GABBR1: variants seen among roughly 807,000 people sequenced by gnomAD.
GABBR1 encodes the protein GABA-B receptor, R1 subunit.
In GABBR1, 35 loss-of-function variants were observed where a neutral mutation model predicts 117.7. The observed-to-expected ratio is 0.30, with a 90% CI of 0.23 to 0.39. The LOEUF is 0.39. Among genes scored for constraint, GABBR1 ranks in the 10% least tolerant of loss-of-function variants. The probability of loss-of-function intolerance (pLI) is 1.00; values close to 1 mark genes in which losing one functional copy is unlikely to be tolerated. For missense variants in GABBR1, 709 were observed against 1,241.8 expected (o/e 0.57, Z 6.45); for synonymous variants, 442 against 486.6 (o/e 0.91, Z 1.21).
rs1227763316 is a variant in GABBR1, at chr6:29,604,569, C to A, written c.2637G>T (p.Ser879=). ...EAQDTMKTGS[S]TNNNEEEKSR... ...ACTTCTCCTCCTCGTTGTTGTTGGT[C>A]GATGACCCTGTCTTCATGGTGTCCT... Residue 879 remains serine, a synonymous_variant, in exon 22 of 23, where the codon TCG becomes TCT. Coordinates refer to ENST00000377034, the MANE Select transcript of GABBR1 (RefSeq NM_001470.4). This position sits in a 1 kb window ranked among gnomAD's most constrained non-coding sequence, Gnocchi z 5.3. The A allele has an allele frequency of 3.1e-6, 5 of 1,613,268 alleles. No homozygotes were observed. Among genetic ancestry groups the A allele is most frequent in the Non-Finnish European group, 4.2e-6 (5 of 1,180,030 alleles).
In GABBR1 at chr6:29,632,236, TGAG is replaced by T. The variant is rs747994319; in HGVS notation, c.85+62_85+64del. ...ATGGGATAGTGATGAGGACCAGAAATGAGGAGATGCAGGGAAAGGGAAGTGGAG... is the reference window on the plus strand; with the variant it reads ...ATGGGATAGTGATGAGGACCAGAAATGAGATGCAGGGAAAGGGAAGTGGAG... On this transcript the variant is annotated intron_variant, in intron 2 of 22. Coordinates refer to ENST00000377034, the MANE Select transcript of GABBR1 (RefSeq NM_001470.4). The surrounding 1 kb of genome is among the most constrained non-coding windows in gnomAD (Gnocchi z 5.8). 7.3e-6 allele frequency: 7 copies of T among 958,664 alleles called. No homozygotes were observed. The highest frequency in any genetic ancestry group is 1.0e-5 in the Non-Finnish European group (7 of 683,386). 59.4% of individuals were successfully genotyped at this position (958,664 alleles called of 1,614,324 possible). A position where few individuals can be genotyped will look rare whatever the true frequency, so the allele number is the denominator to read the frequency against.
chr6:29,624,976 G>A (rs1018493508), intron 6 of GABBR1, among the ~76,000 whole-genome samples: 1 of 151,984 alleles, frequency 6.6e-6, no homozygotes, highest in African/African-American at 2.4e-5. Context: ...AGGGGACTAA[G>A]GAGGGTGAAA....
Position 29,627,370 on chromosome 6 carries a change from G to A in GABBR1, c.657+116C>T. The A allele has an allele frequency of 9.5e-7, 1 of 1,052,146 alleles. No homozygotes were observed. The highest frequency in any genetic ancestry group is 2.6e-5 in the Admixed American group (1 of 38,446). The allele number at this position is 1,052,146 out of a possible 1,614,324, so 65.2% of individuals were successfully genotyped here. A position where few individuals can be genotyped will look rare whatever the true frequency, so the allele number is the denominator to read the frequency against. On this transcript the variant is annotated intron_variant, in intron 6 of 22. Coordinates refer to ENST00000377034, the MANE Select transcript of GABBR1 (RefSeq NM_001470.4). The surrounding 1 kb of genome is among the most constrained non-coding windows in gnomAD (Gnocchi z 4.4). ...GCCCATCTCCTGCCAGTCACACAAG[G>A]GAGGGGTCTGCCTCGCAATCCCAGA...
At chr6:29,614,830 G>T (rs2058326) in intron 11 of GABBR1, among the ~76,000 whole-genome samples, 14,885 of 152,134 alleles carry the variant, frequency 0.098, 856 homozygotes, top group Middle Eastern at 0.21. Flanking sequence ...TGGACTTTGG[G>T]TGATTATGAT....
chr6:29,604,155 T>G lies in GABBR1; in HGVS notation c.2712+339A>C, dbSNP rs1275370378. On this transcript the variant is annotated intron_variant, in intron 22 of 22. Transcript: ENST00000377034. The surrounding 1 kb of genome is among the most constrained non-coding windows in gnomAD (Gnocchi z 5.3). Reference sequence around the variant, plus strand: ...TGCTACACCCAGCTGCTGTGAGTGTTGACTACTAGAGGCTCACAGCTGCCT... The same window carrying G: ...TGCTACACCCAGCTGCTGTGAGTGTGGACTACTAGAGGCTCACAGCTGCCT... 6.6e-6 allele frequency among the ~76,000 whole-genome samples: 1 copy of G among 152,036 alleles called. No homozygotes were observed. Among genetic ancestry groups the G allele is most frequent in the East Asian group, 1.9e-4 (1 of 5,164 alleles).
Position 29,605,950 on chromosome 6 carries a change from G to A in GABBR1, c.2312-254C>T, listed in dbSNP as rs1243980119. The A allele has an allele frequency of 7.0e-6, 4 of 573,412 alleles. No individual in the cohort carries two copies. In the East Asian group the frequency reaches 8.6e-5, roughly 12 times the overall value. The allele number at this position is 573,412 out of a possible 1,614,324, so 35.5% of individuals were successfully genotyped here. On this transcript the variant is annotated intron_variant, in intron 19 of 22. Transcript: ENST00000377034. This position sits in a 1 kb window ranked among gnomAD's most constrained non-coding sequence, Gnocchi z 4.2. ...TGGCAAGCTGCTGTCAGTCAGGCAA[G>A]GGCTTGTTGAATATCTAGAAATAGG...
At chr6:29,610,338 T>C (rs1329049576) in intron 14 of GABBR1, among the ~76,000 whole-genome samples, 1 of 152,158 alleles carries the variant, frequency 6.6e-6, no homozygotes, top group African/African-American at 2.4e-5. Flanking sequence ...AGGTACAAGG[T>C]GCACTGTTCG....
chr6:29,623,407 G>C lies in GABBR1; in HGVS notation c.861C>G (p.His287Gln). The C allele has an allele frequency of 6.2e-7, 1 of 1,614,078 alleles. No homozygotes were observed. The highest frequency in any genetic ancestry group is 8.5e-7 in the Non-Finnish European group (1 of 1,180,004). ...TAGGGTTGTGGAGTGTGGCTGATGGGTGCGTTCGGAAGAAAGTGGGGAAAC... is the reference window on the plus strand; with the variant it reads ...TAGGGTTGTGGAGTGTGGCTGATGGCTGCGTTCGGAAGAAAGTGGGGAAAC... ...RQRFPTFFRT[H>Q]PSATLHNPTR... Residue 287 changes from histidine to glutamine, a missense_variant, in exon 8 of 23, where the codon CAC becomes CAG. Physicochemically the swap from His to Gln is conservative, Grantham distance 24. Transcript: ENST00000377034. This position sits in a 1 kb window ranked among gnomAD's most constrained non-coding sequence, Gnocchi z 6.2.
In GABBR1 at chr6:29,606,902, T is replaced by A. The variant is rs1220071446; in HGVS notation, c.2212A>T (p.Ile738Phe). Residue 738 changes from isoleucine to phenylalanine, a missense_variant, in exon 18 of 23, where the codon ATT becomes TTT. Ile to Phe is a conservative substitution (Grantham distance 21). Transcript: ENST00000377034. The surrounding 1 kb of genome is among the most constrained non-coding windows in gnomAD (Gnocchi z 4.5). Reference sequence around the variant, plus strand: ...CACCTCCTCTCCAGTGGTACCTCAATGGTCCGGTGCAGAGGGTCCACGATC... The same window carrying A: ...CACCTCCTCTCCAGTGGTACCTCAAAGGTCCGGTGCAGAGGGTCCACGATC... ...WQIVDPLHRT[I>F]ETFAKEEPKE... 6.2e-7 allele frequency: 1 copy of A among 1,613,616 alleles called. No individual in the cohort carries two copies. Among genetic ancestry groups the A allele is most frequent in the African/African-American group, 1.3e-5 (1 of 74,948 alleles).
In GABBR1 at chr6:29,631,519, A is replaced by C. The variant is rs777035122; in HGVS notation, c.166T>G (p.Phe56Val). 6.2e-7 allele frequency: 1 copy of C among 1,614,204 alleles called. No individual in the cohort carries two copies. The highest frequency in any genetic ancestry group is 1.1e-5 in the South Asian group (1 of 91,088). Reference protein sequence around the residue: ...LTRDQVKAINFLPVDYEIEYV... With the variant: ...LTRDQVKAINVLPVDYEIEYV... ...TCAATCTCATAGTCCACTGGCAGGA[A>C]GTTGATAGCCTTCACCTGGTCCCGA... Residue 56 changes from phenylalanine to valine, a missense_variant, in exon 3 of 23, where the codon TTC becomes GTC. This residue lies in a region of GABBR1 where 101 missense variants were observed against 132.3 expected (regional missense o/e 0.76). Coordinates refer to ENST00000377034, the MANE Select transcript of GABBR1 (RefSeq NM_001470.4). The surrounding 1 kb of genome is among the most constrained non-coding windows in gnomAD (Gnocchi z 5.9).
At position 29,631,666 on chromosome 6, in the gene GABBR1, G is replaced by T. The variant is rs1764988273; in HGVS notation, c.86-67C>A. On this transcript the variant is annotated intron_variant, in intron 2 of 22. Transcript: ENST00000377034. This position sits in a 1 kb window ranked among gnomAD's most constrained non-coding sequence, Gnocchi z 5.9. Reference sequence around the variant, plus strand: ...GAAAGAGGAAAAGGCAGGCTCCCCAGTGGGAGGAAGGGGAGAGTAGGGCGT... The same window carrying T: ...GAAAGAGGAAAAGGCAGGCTCCCCATTGGGAGGAAGGGGAGAGTAGGGCGT... The T allele has an allele frequency of 7.0e-7, 1 of 1,423,068 alleles. No homozygotes were observed. Among genetic ancestry groups the T allele is most frequent in the Non-Finnish European group, 9.9e-7 (1 of 1,009,214 alleles). 88.2% of individuals were successfully genotyped at this position (1,423,068 alleles called of 1,614,324 possible). A position where few individuals can be genotyped will look rare whatever the true frequency, so the allele number is the denominator to read the frequency against.
Position 29,623,825 on chromosome 6 carries a change from A to C in GABBR1, c.792+65T>G. ...TTTTCAATACAAACCCACAATCGCC[A>C]TCGTCCCTTCAGTAGAGCTCAAAAG... is the stretch of plus-strand genomic sequence containing the variant. On this transcript the variant is annotated intron_variant, in intron 7 of 22. Coordinates refer to ENST00000377034, the MANE Select transcript of GABBR1 (RefSeq NM_001470.4). This position sits in a 1 kb window ranked among gnomAD's most constrained non-coding sequence, Gnocchi z 6.2. 1 of 1,543,744 alleles carries C rather than the reference A, an allele frequency of 6.5e-7. No homozygotes were observed. Among genetic ancestry groups the C allele is most frequent in the Non-Finnish European group, 8.8e-7 (1 of 1,137,124 alleles).
chr6:29,608,840 C>G (rs1762237854), intron 15 of GABBR1, 107 bp from the exon 16 acceptor site: 2 of 1,260,286 alleles, frequency 1.6e-6, no homozygotes, highest in Non-Finnish European at 2.2e-6. Flanking sequence ...ATTTCAGGGC[C>G]AGGGGCTAAA....
In GABBR1 at chr6:29,631,524, A is replaced by G. The variant is rs1764969686; in HGVS notation, c.161T>C (p.Ile54Thr). 6.2e-7 allele frequency: 1 copy of G among 1,614,088 alleles called. No individual in the cohort carries two copies. The highest frequency in any genetic ancestry group is 1.3e-5 in the African/African-American group (1 of 74,920). Reference sequence around the variant, plus strand: ...CTCATAGTCCACTGGCAGGAAGTTGATAGCCTTCACCTGGTCCCGAGTCAG... The same window carrying G: ...CTCATAGTCCACTGGCAGGAAGTTGGTAGCCTTCACCTGGTCCCGAGTCAG... The part of the protein sequence containing the change: ...RGLTRDQVKA[I>T]NFLPVDYEIE... The change falls in exon 3 of 23, where the codon ATC becomes ACC. Residue 54 changes from isoleucine to threonine, a missense_variant. Ile to Thr is a moderately conservative substitution (Grantham distance 89, BLOSUM62 -1). Around this residue, in one of 9 missense-constraint regions of GABBR1, gnomAD observed 101 missense variants for 132.3 expected, o/e 0.76. Transcript: ENST00000377034. This position sits in a 1 kb window ranked among gnomAD's most constrained non-coding sequence, Gnocchi z 5.9.
chr6:29,605,797 G>GA lies in GABBR1; in HGVS notation c.2312-102_2312-101insT. On this transcript the variant is annotated intron_variant, in intron 19 of 22. Coordinates refer to ENST00000377034, the MANE Select transcript of GABBR1 (RefSeq NM_001470.4). The surrounding 1 kb of genome is among the most constrained non-coding windows in gnomAD (Gnocchi z 4.2). Reference sequence around the variant, plus strand: ...CCTTCACCTACTCTGAAATGGAAAGGGGGCCCTCCTCTCCAATCCAACCCC... The same window carrying GA: ...CCTTCACCTACTCTGAAATGGAAAGGAGGGCCCTCCTCTCCAATCCAACCCC... 4 of 1,429,214 alleles carry GA rather than the reference G, an allele frequency of 2.8e-6. No homozygotes were observed. Among genetic ancestry groups the GA allele is most frequent in the Non-Finnish European group, 3.8e-6 (4 of 1,056,218 alleles). The allele number at this position is 1,429,214 out of a possible 1,614,324, so 88.5% of individuals were successfully genotyped here.
Position 29,632,120 on chromosome 6 carries a change from G to C in GABBR1, c.85+181C>G, listed in dbSNP as rs1168603305. 6.6e-6 allele frequency among the ~76,000 whole-genome samples: 1 copy of C among 152,096 alleles called. No individual in the cohort carries two copies. Among genetic ancestry groups the C allele is most frequent in the Non-Finnish European group, 1.5e-5 (1 of 68,022 alleles). On this transcript the variant is annotated intron_variant, in intron 2 of 22. Coordinates refer to ENST00000377034, the MANE Select transcript of GABBR1 (RefSeq NM_001470.4). This position sits in a 1 kb window ranked among gnomAD's most constrained non-coding sequence, Gnocchi z 5.8. ...ATGTGGGCAGAGAAAAGAGGTGCTG[G>C]ATAGTAACGTGGGGTGACAGAAGGA...
Position 29,631,589 on chromosome 6 carries a change from G to T in GABBR1, c.96C>A (p.Ile32=), listed in dbSNP as rs1455160922. 4 of 1,614,130 alleles carry T rather than the reference G, an allele frequency of 2.5e-6. No individual in the cohort carries two copies. The highest frequency in any genetic ancestry group is 3.4e-6 in the Non-Finnish European group (4 of 1,179,996). The change falls in exon 3 of 23, where the codon ATC becomes ATA. Residue 32 remains isoleucine (I), a synonymous_variant. Transcript: ENST00000377034. The surrounding 1 kb of genome is among the most constrained non-coding windows in gnomAD (Gnocchi z 5.9). ...TGCCCCCTTCCCAGGGCGGGTGTATGATCTGGCAACCTAAGGGGTGAGTCG... is the reference window on the plus strand; with the variant it reads ...TGCCCCCTTCCCAGGGCGGGTGTATTATCTGGCAACCTAAGGGGTGAGTCG... The part of the protein sequence containing the change: ...TPNATSEGCQ[I]IHPPWEGGIR...
rs1392058340 is a variant in GABBR1, at chr6:29,605,971, A to G, written c.2312-275T>C. The G allele has an allele frequency of 3.6e-6, 2 of 558,382 alleles. No individual in the cohort carries two copies. The highest frequency in any genetic ancestry group is 6.4e-6 in the Non-Finnish European group (2 of 312,684). 34.6% of individuals were successfully genotyped at this position (558,382 alleles called of 1,614,324 possible). On this transcript the variant is annotated intron_variant, in intron 19 of 22. Coordinates refer to ENST00000377034, the MANE Select transcript of GABBR1 (RefSeq NM_001470.4). This position sits in a 1 kb window ranked among gnomAD's most constrained non-coding sequence, Gnocchi z 4.2. ...GCAAGGGCTTGTTGAATATCTAGAA[A>G]TAGGCCAGTCTGGGCCACACATGCC... is the stretch of plus-strand genomic sequence containing the variant.
chr6:29,625,846 C>T (rs1764216536), intron 6 of GABBR1, among the ~76,000 whole-genome samples: 1 of 152,118 alleles, frequency 6.6e-6, no homozygotes, highest in Admixed American at 6.5e-5. Context: ...CTCCACTCCC[C>T]AAAACCAATG....
Sources: allele counts gnomAD v4.1 joint callset (sites outside exome capture counted in the v4.1 genomes callset), GRCh38; gene constraint gnomAD v4.1.1; regional missense constraint gnomAD v4.1.1; non-coding constraint Gnocchi (gnomAD v3.1); transcripts MANE v1.5; gene names NCBI Gene and HGNC (gene_info 2026-07-23, HGNC 2026-07-21).